The following DHX35 variants were observed in gnomAD, a reference collection of about 807,000 sequenced individuals.
DHX35 encodes probable ATP-dependent RNA helicase DHX35.
In DHX35, 84 loss-of-function variants were observed where a neutral mutation model predicts 99.6. The observed-to-expected ratio is 0.84, with a 90% CI of 0.71 to 1.01. The LOEUF is 1.01. Among genes scored for constraint, DHX35 ranks in the 50% least tolerant of loss-of-function variants. DHX35 has a pLI of 0.00. For synonymous variants in DHX35, 331 were observed against 316.2 expected (o/e 1.05, Z -0.50); for missense variants, 852 against 888.5 (o/e 0.96, Z 0.52).
At chr20:38,998,177 G>T (rs2086460481) in intron 8 of DHX35, among the ~76,000 whole-genome samples, 1 of 152,252 alleles carries the variant, frequency 6.6e-6, no homozygotes, top group Admixed American at 6.5e-5. Flanking sequence ...AGTATTTATT[G>T]ATCCTGTATC....
At chr20:38,978,962 G>C (rs1272406293) in intron 3 of DHX35, among the ~76,000 whole-genome samples, 1 of 152,132 alleles carries the variant, frequency 6.6e-6, no homozygotes, top group Non-Finnish European at 1.5e-5. Flanking sequence ...CTTTCCCTAA[G>C]ATGTGTTCTT....
Position 39,034,254 on chromosome 20 carries a change from TG to T in DHX35, c.2005del (p.Val669Ter). ...AGACCTCCAAGTACTACATGAGAGA[TG>T]TGACTGCCATTGAATCGGCCTGGCT... ...IQTSKYYMRD[V>X]TAIESAWLLE... On this transcript the variant is annotated frameshift_variant, in exon 21 of 22. Coordinates refer to ENST00000252011, the MANE Select transcript of DHX35 (RefSeq NM_021931.4). LOFTEE classifies it high-confidence loss of function. The T allele has an allele frequency of 2.5e-6, 4 of 1,614,230 alleles. No individual in the cohort carries two copies. The highest frequency in any genetic ancestry group is 2.5e-6 in the Non-Finnish European group (3 of 1,180,048).
chr20:39,038,207 A>C (rs928909336), intron 21 of DHX35, among the ~76,000 whole-genome samples: 3 of 152,178 alleles, frequency 2.0e-5, no homozygotes, highest in African/African-American at 4.8e-5. Flanking sequence ...GCAGAGGGAG[A>C]GTCGTGTCTC....
chr20:38,988,813 G>C lies in DHX35; in HGVS notation c.346G>C (p.Val116Leu). ...TQPRRVAAVT[V>L]AGRVAEERGA... Reference sequence around the variant, plus strand: ...TTCAGCATGATCTTTCTTCCCAAAGGTTGCAGGGAGAGTAGCTGAAGAAAG... The same window carrying C: ...TTCAGCATGATCTTTCTTCCCAAAGCTTGCAGGGAGAGTAGCTGAAGAAAG... Residue 116 changes from valine (V) to leucine (L), a missense_variant and splice_region_variant, in exon 5 of 22, where the codon GTT becomes CTT. Coordinates refer to ENST00000252011, the MANE Select transcript of DHX35 (RefSeq NM_021931.4). 1 of 1,613,524 alleles carries C rather than the reference G, an allele frequency of 6.2e-7. No individual in the cohort carries two copies. Among genetic ancestry groups the C allele is most frequent in the African/African-American group, 1.3e-5 (1 of 74,986 alleles).
intron 8 of DHX35, among the ~76,000 whole-genome samples, chr20:38,996,473 G>A (rs902470000): frequency 6.6e-6 from 1 of 152,350 alleles, no homozygotes; most frequent in East Asian, 1.9e-4. Context: ...ACTCCATCCT[G>A]TATCTGGTTG....
At position 39,038,667 on chromosome 20, in the gene DHX35, C is replaced by A; in HGVS notation, c.*124C>A. The A allele has an allele frequency of 1.0e-6, 1 of 961,448 alleles. No individual in the cohort carries two copies. Among genetic ancestry groups the A allele is most frequent in the South Asian group, 1.5e-5 (1 of 67,962 alleles). 59.6% of individuals were successfully genotyped at this position (961,448 alleles called of 1,614,324 possible). A position where few individuals can be genotyped will look rare whatever the true frequency, so the allele number is the denominator to read the frequency against. On this transcript the variant is annotated 3_prime_UTR_variant, in exon 22 of 22. Coordinates refer to ENST00000252011, the MANE Select transcript of DHX35 (RefSeq NM_021931.4). ...GAATGTTTGGTTGCTCTGAAGTGGG[C>A]TGCGGCCTGTTCATTAGTCCTTTCT...
At chr20:38,986,917 T>G (rs893054129) in intron 4 of DHX35, among the ~76,000 whole-genome samples, 12 of 152,196 alleles carry the variant, frequency 7.9e-5, no homozygotes, top group African/African-American at 2.9e-4. Flanking sequence ...TAAACACTGA[T>G]GGGCAGGAAA....
At chr20:39,029,453 TG>T (rs2145943461) in intron 19 of DHX35, 1 of 151,192 alleles carries the variant, frequency 6.6e-6, no homozygotes, top group Non-Finnish European at 1.5e-5. Flanking sequence ...AGCCGACTGT[TG>T]GAACTGCAGG....
Position 39,012,925 on chromosome 20 carries a change from G to A in DHX35, c.1348-1955G>A, listed in dbSNP as rs537239855. Among the ~76,000 whole-genome samples, 121 of 152,170 alleles carry A rather than the reference G, an allele frequency of 8.0e-4. 1 individual carries two copies. In the Middle Eastern group the frequency reaches 0.01, roughly 13 times the overall value. On this transcript the variant is annotated intron_variant, in intron 13 of 21. Transcript: ENST00000252011. ...AAGTAAATTCCTCCCATGTTATACC[G>A]TTTCTGTCCCCATGGAGGACTTTCT...
intron 6 of DHX35, 86 bp from the exon 7 acceptor site, chr20:38,992,270 A>T (rs997680669): frequency 1.8e-6 from 2 of 1,123,134 alleles, no homozygotes; most frequent in Admixed American, 3.6e-5. Flanking sequence ...TATGAGGACT[A>T]AATACCCAGA....
chr20:39,028,120 C>G (rs867410374), intron 18 of DHX35, among the ~76,000 whole-genome samples: 1 of 152,190 alleles, frequency 6.6e-6, no homozygotes, highest in African/African-American at 2.4e-5. Flanking sequence ...CTCTTAGGTT[C>G]TGGTGCCCAG....
rs546107965 is a variant in DHX35, at chr20:38,967,129, G to T, written c.41-1952G>T. On this transcript the variant is annotated intron_variant, in intron 1 of 21. Coordinates refer to ENST00000252011, the MANE Select transcript of DHX35 (RefSeq NM_021931.4). ...GTGATTCTAAACTTAGCTCTAGGGG[G>T]TCTACGGACCCCCCCGAATTTTATA... 1.2e-3 allele frequency among the ~76,000 whole-genome samples: 31 copies of T among 25,674 alleles called. 1 individual carries two copies. The South Asian group carries it at 0.07, about 58-fold the overall frequency. The allele number at this position is 25,674 out of a possible 152,430, so 16.8% of individuals were successfully genotyped here. A position where few individuals can be genotyped will look rare whatever the true frequency, so the allele number is the denominator to read the frequency against.
intron 12 of DHX35, among the ~76,000 whole-genome samples, chr20:39,008,894 G>C (rs1370850999): frequency 1.3e-5 from 2 of 152,108 alleles, no homozygotes; most frequent in African/African-American, 2.4e-5. Flanking sequence ...CAGCCACCCT[G>C]CTTCCTCCTT....
Position 38,988,776 on chromosome 20 carries a change from T to C in DHX35, c.346-37T>C, listed in dbSNP as rs368665419. On this transcript the variant is annotated intron_variant, in intron 4 of 21. Transcript: ENST00000252011. ...AGTATGTGCGCTGTGCAGTAATTTC[T>C]ATGTCTCTATTTTCAGCATGATCTT... 55 of 1,612,258 alleles carry C rather than the reference T, an allele frequency of 3.4e-5. No individual in the cohort carries two copies. The African/African-American group carries it at 7.3e-4, about 22-fold the overall frequency.
chr20:39,015,020 G>A, intron 14 of DHX35, 86 bp downstream of exon 14: 1 of 1,460,818 alleles, frequency 6.8e-7, no homozygotes, highest in Non-Finnish European at 9.6e-7. Context: ...AGGGATTTTA[G>A]TATCTTCAGG....
At chr20:39,001,668 C>T in intron 8 of DHX35, 62 bp from the exon 9 acceptor site, 1 of 1,310,078 alleles carries the variant, frequency 7.6e-7, no homozygotes, top group East Asian at 2.3e-5. Context: ...TTTTTTCTTT[C>T]CATGAATCGC....
intron 11 of DHX35, 79 bp from the exon 12 acceptor site, chr20:39,006,067 A>T (rs1462099252): frequency 2.0e-5 from 30 of 1,498,040 alleles, no homozygotes; most frequent in Middle Eastern, 1.7e-4. Context: ...GAAATGTTAA[A>T]TCTTTTAGGA....
At chr20:39,034,659 C>T (rs1168828166) in intron 21 of DHX35, among the ~76,000 whole-genome samples, 1 of 151,498 alleles carries the variant, frequency 6.6e-6, no homozygotes, top group Non-Finnish European at 1.5e-5. Context: ...ACGATCATGG[C>T]TCACTGCAAG....
In DHX35 at chr20:39,031,231, C is replaced by G. The variant is rs117527781; in HGVS notation, c.1955+456C>G. 1.8e-3 allele frequency among the ~76,000 whole-genome samples: 275 copies of G among 152,190 alleles called. 8 individuals carry two copies. In the East Asian group the frequency reaches 0.05, roughly 28 times the overall value. Reference sequence around the variant, plus strand: ...GCAAACAGTGATATTTGTCTACTCACTCATCCACTCAGCAAACGTTCATTT... The same window carrying G: ...GCAAACAGTGATATTTGTCTACTCAGTCATCCACTCAGCAAACGTTCATTT... On this transcript the variant is annotated intron_variant, in intron 20 of 21. Coordinates refer to ENST00000252011, the MANE Select transcript of DHX35 (RefSeq NM_021931.4).
Sources: allele counts gnomAD v4.1 joint callset (sites outside exome capture counted in the v4.1 genomes callset), GRCh38; gene constraint gnomAD v4.1.1; transcripts MANE v1.5; gene names NCBI Gene and HGNC (gene_info 2026-07-23, HGNC 2026-07-21).